The following ADGRV1 variants were observed in gnomAD, a reference collection of about 807,000 sequenced individuals.
ADGRV1 encodes the protein adhesion G protein-coupled receptor V1, also known as G-protein coupled receptor 98.
A neutral mutation model predicts 596.2 loss-of-function variants in ADGRV1; 359 were observed. The ratio of observed to expected loss-of-function variants is 0.60; its 90% CI spans 0.55 to 0.66. The LOEUF (loss-of-function observed/expected upper bound fraction) is 0.66. Ranked by LOEUF, ADGRV1 falls within the 30% of genes least tolerant of loss-of-function variation. The probability of loss-of-function intolerance (pLI) is 0.00; values close to 1 mark genes in which losing one functional copy is unlikely to be tolerated. For missense variants in ADGRV1, 7,274 were observed against 7,575.6 expected (o/e 0.96, Z 1.48); for synonymous variants, 2,681 against 2,679.2 (o/e 1.00, Z -0.02).
chr5:91,003,625 A>C (rs1019053407), intron 85 of ADGRV1, among the ~76,000 whole-genome samples: 1 of 152,202 alleles, frequency 6.6e-6, no homozygotes, highest in African/African-American at 2.4e-5. Context: ...AACGTAATTA[A>C]ATGTGTGTAC....
rs766208255 is a variant in ADGRV1 at position 90,627,287 on chromosome 5, A to G, written c.749A>G (p.Asn250Ser). ...GGAGCTGAGATTAACACCTCTAGGA[A>G]TTCCATTGAGATCATCATTAAGAAA... ...EGGAEINTSRNSIEIIIKKND... is the reference protein window; with the variant it reads ...EGGAEINTSRSSIEIIIKKND... Residue 250 changes from asparagine (N) to serine (S), a missense_variant, in exon 7 of 90, where the codon AAT (asparagine) becomes AGT (serine). Coordinates refer to ENST00000405460, the MANE Select transcript of ADGRV1 (RefSeq NM_032119.4). 1.3e-5 allele frequency: 21 copies of G among 1,611,482 alleles called. No homozygotes were observed. Among genetic ancestry groups the G allele is most frequent in the Non-Finnish European group, 1.8e-5 (21 of 1,178,130 alleles).
At chr5:91,081,845 C>G (rs1227327999) in intron 86 of ADGRV1, among the ~76,000 whole-genome samples, 1 of 152,138 alleles carries the variant, frequency 6.6e-6, no homozygotes, top group East Asian at 1.9e-4. Context: ...TACTTCTCCA[C>G]ATAGTCTTTA....
chr5:90,921,278 TG>T lies in ADGRV1; in HGVS notation c.17857-44136del, dbSNP rs1477694570. 9.8e-5 allele frequency among the ~76,000 whole-genome samples: 15 copies of T among 152,330 alleles called. No homozygotes were observed. In the East Asian group the frequency reaches 2.9e-3, roughly 29 times the overall value. ...GGTGTGTTTTTTAGCACCTATTTTTTGTTTTTTGTTTCATCATTCAACATTG... is the reference window on the plus strand; with the variant it reads ...GGTGTGTTTTTTAGCACCTATTTTTTTTTTTTGTTTCATCATTCAACATTG... On this transcript the variant is annotated intron_variant, in intron 83 of 89. Transcript: ENST00000405460.
At chr5:90,590,978 ATAG>A (rs1759421571) in intron 1 of ADGRV1, among the ~76,000 whole-genome samples, 1 of 152,092 alleles carries the variant, frequency 6.6e-6, no homozygotes, top group Non-Finnish European at 1.5e-5. Flanking sequence ...TTGTGGTTAC[ATAG>A]TAGGTGTATA....
intron 85 of ADGRV1, among the ~76,000 whole-genome samples, chr5:91,041,310 A>G (rs1282242067): frequency 2.0e-5 from 3 of 152,208 alleles, no homozygotes; most frequent in African/African-American, 7.2e-5. Flanking sequence ...GCAGCCATAA[A>G]AAAGGATGAG....
intron 70 of ADGRV1, among the ~76,000 whole-genome samples, chr5:90,797,459 G>A (rs1355313125): frequency 3.9e-5 from 6 of 152,062 alleles, no homozygotes; most frequent in Non-Finnish European, 5.9e-5. Context: ...CAATACAGGA[G>A]CACCCAGATT....
rs145575523 is a variant in ADGRV1 at position 90,944,994 on chromosome 5, G to A, written c.17857-20421G>A. On this transcript the variant is annotated intron_variant, in intron 83 of 89. Coordinates refer to ENST00000405460, the MANE Select transcript of ADGRV1 (RefSeq NM_032119.4). ...TAAAAGATGACTCTGTGGTTAAATC[G>A]AAAATAATTGACTATATTAATATTT... 2.2e-4 allele frequency among the ~76,000 whole-genome samples: 33 copies of A among 152,132 alleles called. No homozygotes were observed. The Middle Eastern group carries it at 0.014, about 63-fold the overall frequency.
chr5:90,607,029 T>G (rs637442), intron 1 of ADGRV1, among the ~76,000 whole-genome samples: 36,334 of 151,960 alleles, frequency 0.24, 5,289 homozygotes, highest in Non-Finnish European at 0.33. Flanking sequence ...GTATAGAATT[T>G]TAACTATTAC....
chr5:90,759,848 C>G, intron 58 of ADGRV1: 1 of 390,296 alleles, frequency 2.6e-6, no homozygotes, highest in Non-Finnish European at 4.9e-6. Context: ...GCCTGTATTC[C>G]CAGATACTTG....
intron 43 of ADGRV1, among the ~76,000 whole-genome samples, chr5:90,718,713 C>G (rs1054118385): frequency 6.6e-6 from 1 of 151,472 alleles, no homozygotes; most frequent in African/African-American, 2.4e-5. Flanking sequence ...TATAAAAATT[C>G]AAATTTGAAA....
At chr5:90,647,842 A>G in intron 17 of ADGRV1, 78 bp downstream of exon 17, 2 of 1,283,394 alleles carry the variant, frequency 1.6e-6, no homozygotes, top group South Asian at 1.4e-5. Context: ...CAGTCCAATA[A>G]TGAGGACAAG....
At chr5:90,772,581 A>G (rs917988916) in intron 59 of ADGRV1, among the ~76,000 whole-genome samples, 4 of 152,190 alleles carry the variant, frequency 2.6e-5, no homozygotes, top group Non-Finnish European at 5.9e-5. Context: ...ATGTATTTGA[A>G]TGATTCTAAG....
intron 82 of ADGRV1, among the ~76,000 whole-genome samples, chr5:90,857,020 G>T (rs939949217): frequency 6.6e-6 from 1 of 152,042 alleles, no homozygotes; most frequent in Non-Finnish European, 1.5e-5. Flanking sequence ...CTGGTTGCCA[G>T]TCTTTCCAAT....
intron 83 of ADGRV1, among the ~76,000 whole-genome samples, chr5:90,960,569 T>C (rs1777921965): frequency 6.6e-6 from 1 of 152,204 alleles, no homozygotes; most frequent in African/African-American, 2.4e-5. Flanking sequence ...CAATAAAATC[T>C]TATTTTAAAA....
At chr5:90,797,868 C>CA in intron 70 of ADGRV1, among the ~76,000 whole-genome samples, 1 of 152,144 alleles carries the variant, frequency 6.6e-6, no homozygotes, top group East Asian at 1.9e-4. Flanking sequence ...TAAAGATATT[C>CA]TTTGAAACCA....
intron 89 of ADGRV1, among the ~76,000 whole-genome samples, chr5:91,161,380 G>A (rs1483426524): frequency 2.0e-5 from 3 of 152,180 alleles, no homozygotes; most frequent in Non-Finnish European, 4.4e-5. Flanking sequence ...GAAGAGGGCT[G>A]GGTGAAAACA....
chr5:90,672,658 A>G lies in ADGRV1; in HGVS notation c.4865A>G (p.Tyr1622Cys), dbSNP rs1450234666. The G allele has an allele frequency of 4.3e-6, 7 of 1,613,752 alleles. No homozygotes were observed. The Admixed American group carries it at 6.7e-5, about 15-fold the overall frequency. The change falls in exon 22 of 90, where the codon TAC becomes TGC. Residue 1622 changes from tyrosine to cysteine, a missense_variant. Physicochemically the swap from Tyr to Cys is radical, Grantham distance 194. Around this residue, in one of 5 missense-constraint regions of ADGRV1, gnomAD observed 3,643 missense variants for 3,809.2 expected, o/e 0.96. Transcript: ENST00000405460. ...CAGATTGAAACTGATGGCATTAATT[A>G]CCTTGTTGATGACTTTGCTAATGCC... Reference protein sequence around the residue: ...ISQIETDGINYLVDDFANASG... With the variant: ...ISQIETDGINCLVDDFANASG...
At chr5:90,890,221 C>T (rs1770677186) in intron 83 of ADGRV1, among the ~76,000 whole-genome samples, 1 of 152,082 alleles carries the variant, frequency 6.6e-6, no homozygotes, top group African/African-American at 2.4e-5. Flanking sequence ...CCTTTTCATA[C>T]CATGTTAGGT....
intron 85 of ADGRV1, among the ~76,000 whole-genome samples, chr5:91,055,769 T>TTGTGC (rs1472530429): frequency 2.0e-5 from 3 of 152,222 alleles, no homozygotes; most frequent in Non-Finnish European, 4.4e-5. Context: ...TAGTCTCTGT[T>TTGTGC]CTATGTGACA....
Sources: allele counts gnomAD v4.1 joint callset (sites outside exome capture counted in the v4.1 genomes callset), GRCh38; gene constraint gnomAD v4.1.1; regional missense constraint gnomAD v4.1.1; transcripts MANE v1.5; gene names NCBI Gene and HGNC (gene_info 2026-07-23, HGNC 2026-07-21).